The following LDLRAP1 variants were observed in gnomAD, a reference collection of about 807,000 sequenced individuals.
LDLRAP1 encodes the protein low density lipoprotein receptor adaptor protein 1, also known as low density lipoprotein receptor adapter protein 1.
LDLRAP1 carries 30 observed loss-of-function variants against 37.8 expected under a neutral mutation model. That is an observed-to-expected ratio of 0.79 (90% CI 0.59 to 1.08). The LOEUF (loss-of-function observed/expected upper bound fraction) is 1.08, where lower values mean the gene tolerates loss of function less well. LDLRAP1 is among the 50% of genes least tolerant of loss of function. LDLRAP1 has a pLI of 0.00. For missense variants in LDLRAP1, 375 were observed against 401.6 expected (o/e 0.93, Z 0.57); for synonymous variants, 156 against 169.8 (o/e 0.92, Z 0.63).
intron 4 of LDLRAP1, among the ~76,000 whole-genome samples, chr1:25,557,674 G>A (rs2044241208): frequency 6.6e-6 from 1 of 152,198 alleles, no homozygotes; most frequent in Non-Finnish European, 1.5e-5. Context: ...AGCCGTCAGA[G>A]AACCAGGCTT....
At chr1:25,587,294 G>A in the LDLRAP1 span, among the ~76,000 whole-genome samples, 13,061 of 152,116 alleles carry the variant, frequency 0.086, 1,252 homozygotes, top group East Asian at 0.24. Context: ...TGGGACCACA[G>A]GCATGTACCA....
chr1:25,579,340 G>A, the LDLRAP1 span, among the ~76,000 whole-genome samples: 32 of 152,148 alleles, frequency 2.1e-4, no homozygotes, highest in Admixed American at 2.0e-3. Flanking sequence ...GGCCAAATGC[G>A]TCCCACACCC....
At chr1:25,577,753 T>G in the LDLRAP1 span, among the ~76,000 whole-genome samples, 3 of 152,206 alleles carry the variant, frequency 2.0e-5, no homozygotes, top group African/African-American at 7.2e-5. Context: ...CACCGTGAGT[T>G]GGCTCTGGCA....
chr1:25,580,261 T>A, the LDLRAP1 span, among the ~76,000 whole-genome samples: 1 of 152,122 alleles, frequency 6.6e-6, no homozygotes, highest in African/African-American at 2.4e-5. Flanking sequence ...AGCTGTCTCC[T>A]GTAAGGTTCA....
chr1:25,567,434 T>G lies in LDLRAP1; in HGVS notation c.*442T>G. 3.6e-6 allele frequency: 1 copy of G among 279,010 alleles called. No homozygotes were observed. Among genetic ancestry groups the G allele is most frequent in the South Asian group, 2.8e-5 (1 of 35,786 alleles). 17.3% of individuals were successfully genotyped at this position (279,010 alleles called of 1,614,324 possible). A position where few individuals can be genotyped will look rare whatever the true frequency, so the allele number is the denominator to read the frequency against. ...CTTCCTGAAAGCTGTTGGATTTCAG[T>G]GATTTTTCCCCCCACCCCCCAGCAC... is the stretch of plus-strand genomic sequence containing the variant. On this transcript the variant is annotated 3_prime_UTR_variant, in exon 9 of 9. Coordinates refer to ENST00000374338, the MANE Select transcript of LDLRAP1 (RefSeq NM_015627.3).
rs1340216590 is a variant in LDLRAP1, at chr1:25,543,725, G to C, written c.27G>C (p.Arg9=). 1 of 1,213,958 alleles carries C rather than the reference G, an allele frequency of 8.2e-7. No homozygotes were observed. Among genetic ancestry groups the C allele is most frequent in the South Asian group, 4.1e-5 (1 of 24,328 alleles). The allele number at this position is 1,213,958 out of a possible 1,614,324, so 75.2% of individuals were successfully genotyped here. A position where few individuals can be genotyped will look rare whatever the true frequency, so the allele number is the denominator to read the frequency against. ...TGGACGCGCTCAAGTCGGCGGGGCG[G>C]GCGCTGATCCGGAGCCCCAGCTTGG... is the stretch of plus-strand genomic sequence containing the variant. MDALKSAG[R]ALIRSPSLAK... is the part of the protein sequence containing the mutation. The change falls in exon 1 of 9, where the codon CGG becomes CGC. Residue 9 remains arginine (R), a synonymous_variant. Transcript: ENST00000374338.
Position 25,567,621 on chromosome 1 carries a change from A to G in LDLRAP1, c.*629A>G, listed in dbSNP as rs777305664. On this transcript the variant is annotated 3_prime_UTR_variant, in exon 9 of 9. Transcript: ENST00000374338. ...CTTGGCACTTTAAAGCATTAACAGC[A>G]GGTGTGACCCTGAGGGCTCCTCCAT... The G allele has an allele frequency of 9.2e-4, 161 of 174,518 alleles. 1 individual carries two copies. The highest frequency in any genetic ancestry group is 2.9e-4 in the Non-Finnish European group (24 of 81,476). The allele number at this position is 174,518 out of a possible 1,614,324, so 10.8% of individuals were successfully genotyped here. A position where few individuals can be genotyped will look rare whatever the true frequency, so the allele number is the denominator to read the frequency against.
chr1:25,585,584 C>T, the LDLRAP1 span, among the ~76,000 whole-genome samples: 48 of 152,342 alleles, frequency 3.2e-4, no homozygotes, highest in African/African-American at 1.1e-3. Flanking sequence ...CTCGGCCTCC[C>T]AAAGTGCTGG....
At chr1:25,563,820 T>C (rs375096767) in intron 7 of LDLRAP1, 29 bp downstream of exon 7, 63 of 1,612,782 alleles carry the variant, frequency 3.9e-5, no homozygotes, top group Admixed American at 3.7e-4. Flanking sequence ...AGCAGATCGG[T>C]GATCCTCAGC....
At chr1:25,584,460 G>T in the LDLRAP1 span, among the ~76,000 whole-genome samples, 190 of 152,184 alleles carry the variant, frequency 1.2e-3, no homozygotes, top group African/African-American at 4.4e-3. Flanking sequence ...CTCTTCCCCT[G>T]CTCAGACAGG....
At chr1:25,582,356 G>A in the LDLRAP1 span, among the ~76,000 whole-genome samples, 3 of 152,170 alleles carry the variant, frequency 2.0e-5, no homozygotes, top group African/African-American at 7.2e-5. Flanking sequence ...GGAGGCCAAG[G>A]CGGGCAGATC....
intron 1 of LDLRAP1, among the ~76,000 whole-genome samples, chr1:25,552,481 T>A (rs2044094406): frequency 1.3e-5 from 2 of 152,342 alleles, no homozygotes; most frequent in Admixed American, 6.5e-5. Context: ...GATCCTGCTC[T>A]GTCCTCAACA....
chr1:25,565,297 A>G, intron 8 of LDLRAP1, 90 bp downstream of exon 8: 1 of 1,439,646 alleles, frequency 6.9e-7, no homozygotes, highest in Non-Finnish European at 9.8e-7. Context: ...CCCCTGATTA[A>G]GAACACAAGC....
intron 1 of LDLRAP1, among the ~76,000 whole-genome samples, chr1:25,547,661 G>A (rs934683346): frequency 6.6e-6 from 1 of 152,136 alleles, no homozygotes; most frequent in African/African-American, 2.4e-5. Flanking sequence ...GACTCCTGGG[G>A]TCGGGAGATC....
At chr1:25,585,552 C>G in the LDLRAP1 span, among the ~76,000 whole-genome samples, 10 of 152,282 alleles carry the variant, frequency 6.6e-5, no homozygotes, top group African/African-American at 2.4e-4. Context: ...GTCTCAATCT[C>G]CTGACCTTGT....
At chr1:25,545,674 C>T (rs2043917309) in intron 1 of LDLRAP1, among the ~76,000 whole-genome samples, 1 of 152,162 alleles carries the variant, frequency 6.6e-6, no homozygotes, top group African/African-American at 2.4e-5. Context: ...AAGTGCTGTC[C>T]TGGAGCCTCT....
At chr1:25,549,691 T>A (rs1572025746) in intron 1 of LDLRAP1, among the ~76,000 whole-genome samples, 1 of 152,272 alleles carries the variant, frequency 6.6e-6, no homozygotes, top group South Asian at 2.1e-4. Context: ...TGGGAGCACC[T>A]CCTGAAGCCG....
chr1:25,551,463 C>T (rs192226654), intron 1 of LDLRAP1, among the ~76,000 whole-genome samples: 4 of 152,266 alleles, frequency 2.6e-5, no homozygotes, highest in African/African-American at 7.2e-5. Context: ...TGAGAGAATG[C>T]CTGCTTGCAA....
chr1:25,586,565 CGTGT>C, the LDLRAP1 span, among the ~76,000 whole-genome samples: 5 of 149,092 alleles, frequency 3.4e-5, no homozygotes, highest in Non-Finnish European at 5.9e-5. This position sits in a 1 kb window ranked among gnomAD's most constrained non-coding sequence, Gnocchi z 4.3. Flanking sequence ...TGTGTACGTG[CGTGT>C]GTGTGCGTGT....
Sources: gnomAD v4.1 joint callset for allele counts (sites outside exome capture counted in the v4.1 genomes callset) on GRCh38, gnomAD v4.1.1 for gene constraint, Gnocchi (gnomAD v3.1) non-coding constraint, MANE v1.5 for transcripts, NCBI Gene and HGNC (gene_info 2026-07-23, HGNC 2026-07-21) for gene names.